Variants in MOB1A observed in about 807,000 individuals in gnomAD.
MOB1A encodes the protein MOB kinase activator 1A, also known as MOB1 Mps One Binder homolog A.
MOB1A carries 10 observed loss-of-function variants against 25.1 expected under a neutral mutation model. The observed-to-expected ratio is 0.40, with a 90% CI of 0.25 to 0.68. The LOEUF is 0.68. MOB1A is among the 30% of genes least tolerant of loss of function. The pLI, the probability that MOB1A is intolerant of heterozygous loss-of-function variation, is 0.40. For synonymous variants in MOB1A, 81 were observed against 79.5 expected (o/e 1.02, Z -0.10); for missense variants, 177 against 256.3 (o/e 0.69, Z 2.11).
chr2:74,166,446 A>C (rs529057705), intron 3 of MOB1A, among the ~76,000 whole-genome samples: 1 of 152,366 alleles, frequency 6.6e-6, no homozygotes, highest in African/African-American at 2.4e-5. Flanking sequence ...TGTAACTCAA[A>C]TTTCTGTTTA....
At chr2:74,159,053 A>T in intron 5 of MOB1A, 38 bp downstream of exon 5, 1 of 1,605,344 alleles carries the variant, frequency 6.2e-7, no homozygotes. Flanking sequence ...AAATAAGTCC[A>T]AGTCACAGGA....
chr2:74,172,725 T>C lies in MOB1A; in HGVS notation c.42A>G (p.Lys14=), dbSNP rs200816279. 2.3e-4 allele frequency: 378 copies of C among 1,613,618 alleles called. 1 individual carries two copies. The highest frequency in any genetic ancestry group is 5.0e-5 in the Admixed American group (3 of 59,940). The part of the protein sequence containing the change: ...LFSSRSSKTF[K]PKKNIPEGSH... The stretch of plus-strand genomic sequence containing the variant: ...ATCCTTCAGGGATATTCTTCTTTGG[T>C]TTGAATGTTTTAGAAGAGCGGCTGC... The change falls in exon 2 of 6, where the codon AAA becomes AAG. Residue 14 remains lysine (K), a synonymous_variant. Transcript: ENST00000396049.
At chr2:74,164,950 G>T in intron 4 of MOB1A, 1 of 198,302 alleles carries the variant, frequency 5.0e-6, no homozygotes, top group Non-Finnish European at 1.0e-5. Context: ...AGTACATGTT[G>T]GTACAAACTT....
rs761527866 is a variant in MOB1A at position 74,159,158 on chromosome 2, G to T, written c.506C>A (p.Ser169Tyr). 1 of 1,613,914 alleles carries T rather than the reference G, an allele frequency of 6.2e-7. No homozygotes were observed. The highest frequency in any genetic ancestry group is 8.5e-7 in the Non-Finnish European group (1 of 1,179,812). The change falls in exon 5 of 6, where the codon TCT (serine) becomes TAT (tyrosine). Residue 169 changes from serine to tyrosine, a missense_variant. Transcript: ENST00000396049. ...GGCCTCCTCTTGCAGCTGCATCACAGAATCAAAGTGCTGGTGATAAATATG... is the reference window on the plus strand; with the variant it reads ...GGCCTCCTCTTGCAGCTGCATCACATAATCAAAGTGCTGGTGATAAATATG... Reference protein sequence around the residue: ...YAHIYHQHFDSVMQLQEEAHL... With the variant: ...YAHIYHQHFDYVMQLQEEAHL...
rs1440897874 is a variant in MOB1A, at chr2:74,167,254, T to C, written c.182-147A>G. Reference sequence around the variant, plus strand: ...TCCAATGATACTGTAACTTGTAGTATACTACACTTTTTTTTTTCTCTGAAA... The same window carrying C: ...TCCAATGATACTGTAACTTGTAGTACACTACACTTTTTTTTTTCTCTGAAA... On this transcript the variant is annotated intron_variant, in intron 2 of 5. Transcript: ENST00000396049. 2.6e-5 allele frequency: 16 copies of C among 611,786 alleles called. 1 individual carries two copies. In the East Asian group the frequency reaches 4.0e-4, roughly 15 times the overall value. The allele number at this position is 611,786 out of a possible 1,614,324, so 37.9% of individuals were successfully genotyped here.
At chr2:74,176,832 A>G (rs1693487447) in intron 1 of MOB1A, among the ~76,000 whole-genome samples, 1 of 152,036 alleles carries the variant, frequency 6.6e-6, no homozygotes, top group Non-Finnish European at 1.5e-5. Context: ...CTCATAGAGT[A>G]CTTATGGGAA....
intron 1 of MOB1A, 89 bp downstream of exon 1, chr2:74,178,572 C>T (rs1693545507): frequency 5.1e-6 from 5 of 984,272 alleles, no homozygotes; most frequent in Non-Finnish European, 6.8e-6. Flanking sequence ...CGCCTCGGCC[C>T]CCAGGCCGAG....
intron 3 of MOB1A, among the ~76,000 whole-genome samples, chr2:74,166,164 G>C (rs1031266642): frequency 6.6e-6 from 1 of 151,670 alleles, no homozygotes; most frequent in African/African-American, 2.4e-5. Context: ...ATCATATGAT[G>C]GACTTAATAT....
At chr2:74,171,087 C>G (rs1423425938) in intron 2 of MOB1A, among the ~76,000 whole-genome samples, 2 of 152,056 alleles carry the variant, frequency 1.3e-5, no homozygotes, top group Non-Finnish European at 2.9e-5. Flanking sequence ...CGAGACCAGC[C>G]TGGCCAACAT....
At chr2:74,157,794 A>G (rs1176185563) in intron 5 of MOB1A, among the ~76,000 whole-genome samples, 1 of 152,052 alleles carries the variant, frequency 6.6e-6, no homozygotes, top group African/African-American at 2.4e-5. Flanking sequence ...ACAATGGGAG[A>G]CTTATTAAAG....
chr2:74,176,763 CAAA>C (rs754041457), intron 1 of MOB1A, among the ~76,000 whole-genome samples: 6 of 88,902 alleles, frequency 6.7e-5, no homozygotes, highest in South Asian at 3.5e-4. Flanking sequence ...GACTCTGTCT[CAAA>C]AAAAAAAAAA....
At chr2:74,178,533 G>C (rs1175957047) in intron 1 of MOB1A, 128 bp downstream of exon 1, 2 of 606,204 alleles carry the variant, frequency 3.3e-6, no homozygotes, top group East Asian at 3.5e-5. Flanking sequence ...CCCGAACAGA[G>C]GCAAAACAAA....
intron 4 of MOB1A, among the ~76,000 whole-genome samples, chr2:74,162,785 G>C (rs1693011131): frequency 6.6e-6 from 1 of 152,050 alleles, no homozygotes; most frequent in African/African-American, 2.4e-5. Context: ...AAAATATGTT[G>C]CTCATAAAAT....
At chr2:74,160,683 G>T (rs1324644163) in intron 4 of MOB1A, among the ~76,000 whole-genome samples, 1 of 151,456 alleles carries the variant, frequency 6.6e-6, no homozygotes, top group Non-Finnish European at 1.5e-5. Flanking sequence ...CTGGGTGACA[G>T]AGCGAGACTC....
intron 2 of MOB1A, among the ~76,000 whole-genome samples, chr2:74,169,680 G>A (rs753504482): frequency 6.6e-6 from 1 of 151,886 alleles, no homozygotes; most frequent in Non-Finnish European, 1.5e-5. Flanking sequence ...CCAGGCTGGA[G>A]TGCAGTGGTG....
chr2:74,173,547 A>AT lies in MOB1A; in HGVS notation c.15-796dup, dbSNP rs1375135493. Reference sequence around the variant, plus strand: ...AGGCATGCACCACCACACCCAGCTAATTTTTTTTTTTTTTAGTAGAGATGG... The same window carrying AT: ...AGGCATGCACCACCACACCCAGCTAATTTTTTTTTTTTTTTAGTAGAGATGG... On this transcript the variant is annotated intron_variant, in intron 1 of 5. Transcript: ENST00000396049. Among the ~76,000 whole-genome samples, 760 of 141,910 alleles carry AT rather than the reference A, an allele frequency of 5.4e-3. 1 individual carries two copies. The highest frequency in any genetic ancestry group is 8.1e-3 in the Non-Finnish European group (518 of 64,210). The allele number at this position is 141,910 out of a possible 152,430, so 93.1% of individuals were successfully genotyped here.
chr2:74,169,837 T>G (rs1461256651), intron 2 of MOB1A, among the ~76,000 whole-genome samples: 3 of 152,072 alleles, frequency 2.0e-5, no homozygotes, highest in Admixed American at 6.6e-5. Flanking sequence ...CCATGTTGCC[T>G]AGGCTGGTCT....
At chr2:74,164,312 C>T (rs1693063639) in intron 4 of MOB1A, 2 of 151,994 alleles carry the variant, frequency 1.3e-5, no homozygotes, top group African/African-American at 2.4e-5. Flanking sequence ...TGAGGTCAGG[C>T]GTTCAAGACC....
rs1040925606 is a variant in MOB1A at position 74,155,379 on chromosome 2, C to T, written c.*1189G>A. On this transcript the variant is annotated 3_prime_UTR_variant, in exon 6 of 6. Transcript: ENST00000396049. ...GCTCAGTCCATCTTTTGAATATTAA[C>T]AAAATGAGGATTTTTTTAAAACTTA... 2.0e-5 allele frequency: 3 copies of T among 152,578 alleles called. No homozygotes were observed. The highest frequency in any genetic ancestry group is 7.2e-5 in the African/African-American group (3 of 41,442). 9.5% of individuals were successfully genotyped at this position (152,578 alleles called of 1,614,324 possible).
Sources: gnomAD v4.1 joint callset for allele counts (sites outside exome capture counted in the v4.1 genomes callset) on GRCh38, gnomAD v4.1.1 for gene constraint, MANE v1.5 for transcripts, NCBI Gene and HGNC (gene_info 2026-07-23, HGNC 2026-07-21) for gene names.